The following EVL variants were observed in gnomAD, a reference collection of about 807,000 sequenced individuals.
EVL encodes ena/VASP-like protein.
Under a neutral mutation model 59.6 loss-of-function variants are expected in EVL, and 21 were observed. The ratio of observed to expected loss-of-function variants is 0.35; its 90% confidence interval spans 0.25 to 0.51. The LOEUF (loss-of-function observed/expected upper bound fraction) is 0.51, where lower values mean the gene tolerates loss of function less well. Among genes scored for constraint, EVL ranks in the 20% least tolerant of loss-of-function variants. The pLI is 0.97. For missense variants in EVL, 462 were observed against 546.6 expected (o/e 0.85, Z 1.54); for synonymous variants, 198 against 203.5 (o/e 0.97, Z 0.23).
intron 3 of EVL, among the ~76,000 whole-genome samples, chr14:100,100,792 A>T (rs1886163679): frequency 6.6e-6 from 1 of 150,646 alleles, no homozygotes; most frequent in Non-Finnish European, 1.5e-5. Context: ...CTCAAAAAAA[A>T]AAAAAAAAAA....
intron 1 of EVL, among the ~76,000 whole-genome samples, chr14:100,056,871 T>C (rs755438724): frequency 8.5e-5 from 13 of 152,114 alleles, no homozygotes; most frequent in Non-Finnish European, 1.8e-4. Flanking sequence ...ACACACACCA[T>C]GTACCAAGAA....
Position 100,135,937 on chromosome 14 carries a change from C to G in EVL, c.933C>G (p.Thr311=), listed in dbSNP as rs1175972523. 6.2e-7 allele frequency: 1 copy of G among 1,613,804 alleles called. No individual in the cohort carries two copies. ...CTAGTACCTCCCCCTCTCCGGGGACCCGAGCAGCCAGCCAGCCACCTAACT... is the reference window on the plus strand; with the variant it reads ...CTAGTACCTCCCCCTCTCCGGGGACGCGAGCAGCCAGCCAGCCACCTAACT... ...EDPSTSPSPG[T]RAASQPPNSS... The change falls in exon 9 of 14, where the codon ACC becomes ACG. Residue 311 remains threonine (T), a synonymous_variant. Coordinates refer to ENST00000392920, the MANE Select transcript of EVL (RefSeq NM_016337.3).
chr14:100,118,371 T>C (rs1252205416), intron 3 of EVL, among the ~76,000 whole-genome samples: 1 of 152,250 alleles, frequency 6.6e-6, no homozygotes, highest in Non-Finnish European at 1.5e-5. Context: ...TTTGGAATCC[T>C]TTGTCAAATC....
chr14:100,008,388 T>C (rs1460108372), intron 1 of EVL, among the ~76,000 whole-genome samples: 1 of 152,160 alleles, frequency 6.6e-6, no homozygotes, highest in East Asian at 1.9e-4. Flanking sequence ...AGGTGCTGCG[T>C]TTTTCTGTTT....
chr14:100,066,622 A>G (rs748371099), intron 1 of EVL: 5 of 152,244 alleles, frequency 3.3e-5, no homozygotes, highest in East Asian at 3.8e-4. Flanking sequence ...GGAGCTTTAG[A>G]AAACAGAATG....
chr14:100,019,778 T>G, intron 1 of EVL: 1 of 1,294,516 alleles, frequency 7.7e-7, no homozygotes, highest in Non-Finnish European at 1.1e-6. Flanking sequence ...CTCTGGCTGG[T>G]TCTCACAAAA....
chr14:100,047,344 G>A (rs1444533607), intron 1 of EVL, among the ~76,000 whole-genome samples: 1 of 151,910 alleles, frequency 6.6e-6, no homozygotes, highest in Admixed American at 6.6e-5. Flanking sequence ...TCTGAAAGCA[G>A]GAAGCATAGC....
At chr14:100,142,183 C>T (rs562741038) in intron 13 of EVL, 2 of 161,086 alleles carry the variant, frequency 1.2e-5, no homozygotes, top group Non-Finnish European at 2.7e-5. Context: ...CTGCCACCTC[C>T]AGTCACTGGT....
intron 1 of EVL, among the ~76,000 whole-genome samples, chr14:100,051,883 TCTC>T (rs1204163002): frequency 6.6e-6 from 1 of 152,156 alleles, no homozygotes; most frequent in Non-Finnish European, 1.5e-5. Context: ...TTTCATGGCT[TCTC>T]CTCTTACTGT....
chr14:100,090,472 TACAAAAACTGC>T (rs1367018434), intron 2 of EVL, among the ~76,000 whole-genome samples: 2 of 152,204 alleles, frequency 1.3e-5, no homozygotes, highest in Non-Finnish European at 2.9e-5. Flanking sequence ...ATAACCATGA[TACAAAAACTGC>T]ACAAAAACCT....
chr14:100,074,467 A>G (rs1308829421), intron 1 of EVL: 1 of 152,252 alleles, frequency 6.6e-6, no homozygotes, highest in African/African-American at 2.4e-5. Context: ...CAAAGGTAAA[A>G]GAAAATGCAA....
intron 3 of EVL, among the ~76,000 whole-genome samples, chr14:100,112,279 A>G (rs916310659): frequency 3.3e-5 from 5 of 152,140 alleles, no homozygotes; most frequent in Admixed American, 1.3e-4. Context: ...CCCCCTGCCT[A>G]TCTGCTGCCT....
At chr14:100,103,548 C>T (rs960717192) in intron 3 of EVL, among the ~76,000 whole-genome samples, 3 of 152,108 alleles carry the variant, frequency 2.0e-5, no homozygotes, top group South Asian at 2.1e-4. Context: ...TTCATTTTGC[C>T]TGCTCATGTA....
At chr14:100,059,287 G>T (rs1017960433) in intron 1 of EVL, among the ~76,000 whole-genome samples, 5 of 152,218 alleles carry the variant, frequency 3.3e-5, no homozygotes, top group Admixed American at 3.3e-4. Context: ...AGAAGCCCCT[G>T]GCTTTCTGCC....
intron 1 of EVL, among the ~76,000 whole-genome samples, chr14:99,983,459 G>C (rs1395903865): frequency 6.6e-6 from 1 of 152,094 alleles, no homozygotes; most frequent in Non-Finnish European, 1.5e-5. Flanking sequence ...TAGCTCTAAA[G>C]GTGTGTTTCC....
chr14:100,116,449 A>T (rs547262037), intron 3 of EVL, among the ~76,000 whole-genome samples: 1 of 152,316 alleles, frequency 6.6e-6, no homozygotes, highest in African/African-American at 2.4e-5. Flanking sequence ...CATAGAGACT[A>T]ACTGGAAACT....
chr14:100,094,054 A>G (rs1464052950), intron 2 of EVL, among the ~76,000 whole-genome samples: 1 of 152,226 alleles, frequency 6.6e-6, no homozygotes, highest in Non-Finnish European at 1.5e-5. Flanking sequence ...TGTACTACCC[A>G]CATTTCAGGT....
At chr14:100,096,774 G>A (rs1026154025) in intron 2 of EVL, among the ~76,000 whole-genome samples, 28 of 152,326 alleles carry the variant, frequency 1.8e-4, no homozygotes, top group African/African-American at 6.7e-4. Context: ...CTAGCAGCTT[G>A]TAAGCACCTG....
rs180727642 is a variant in EVL at position 100,059,993 on chromosome 14, C to A, written c.6-24694C>A. On this transcript the variant is annotated intron_variant, in intron 1 of 13. Coordinates refer to the EVL transcript ENST00000402714. The stretch of plus-strand genomic sequence containing the variant: ...ATATACTTAAGGGGAAAAAAGCAGT[C>A]AGTAGACCCTGAAATGCTCCTGAAG... 7.9e-5 allele frequency among the ~76,000 whole-genome samples: 12 copies of A among 152,214 alleles called. No individual in the cohort carries two copies. The East Asian group carries it at 2.1e-3, about 27-fold the overall frequency.
Sources: gnomAD v4.1 joint callset for allele counts (sites outside exome capture counted in the v4.1 genomes callset) on GRCh38, gnomAD v4.1.1 for gene constraint, MANE v1.5 for transcripts, NCBI Gene and HGNC (gene_info 2026-07-23, HGNC 2026-07-21) for gene names.